Variants in CPED1 observed in about 807,000 individuals in gnomAD.
The protein encoded by CPED1 is cadherin-like and PC-esterase domain-containing protein 1.
In CPED1, 114 loss-of-function variants were observed where a neutral mutation model predicts 128.2. That is an observed-to-expected ratio of 0.89 (90% CI 0.76 to 1.04). The LOEUF (loss-of-function observed/expected upper bound fraction) is 1.04. Among genes scored for constraint, CPED1 ranks in the 50% least tolerant of loss-of-function variants. The probability of loss-of-function intolerance (pLI) is 0.00; values close to 1 mark genes in which losing one functional copy is unlikely to be tolerated. For synonymous variants in CPED1, 462 were observed against 426.7 expected (o/e 1.08, Z -1.02); for missense variants, 1,211 against 1,207.1 (o/e 1.00, Z -0.05).
At chr7:121,174,126 T>C (rs1040233599) in intron 16 of CPED1, among the ~76,000 whole-genome samples, 5 of 152,178 alleles carry the variant, frequency 3.3e-5, no homozygotes, top group Non-Finnish European at 7.3e-5. Flanking sequence ...TATTAGACCT[T>C]TGTCAGATGC....
In CPED1 at chr7:121,297,184, A is replaced by C. The variant is rs558276567; in HGVS notation, c.*1532A>C. ...ATAAAACTTTTCTAATATACACTTA[A>C]ATGCAAACATCATTTTTAAATTTTC... On this transcript the variant is annotated 3_prime_UTR_variant, in exon 23 of 23. Coordinates refer to ENST00000310396, the MANE Select transcript of CPED1 (RefSeq NM_024913.5). The C allele has an allele frequency of 6.6e-6, 1 of 152,096 alleles. No individual in the cohort carries two copies. Among genetic ancestry groups the C allele is most frequent in the Middle Eastern group, 3.2e-3 (1 of 316 alleles). 9.4% of individuals were successfully genotyped at this position (152,096 alleles called of 1,614,324 possible).
At chr7:121,073,129 A>C (rs1200972065) in intron 5 of CPED1, among the ~76,000 whole-genome samples, 1 of 152,206 alleles carries the variant, frequency 6.6e-6, no homozygotes, top group Non-Finnish European at 1.5e-5. Context: ...CCATACTGAT[A>C]AAATAAACAG....
At chr7:121,247,947 C>A (rs182747786) in intron 18 of CPED1, among the ~76,000 whole-genome samples, 73 of 152,340 alleles carry the variant, frequency 4.8e-4, no homozygotes, top group African/African-American at 1.5e-3. Context: ...GCCCACCCTG[C>A]CTGGCTTCTC....
At chr7:121,033,074 C>T (rs151173270) in intron 3 of CPED1, among the ~76,000 whole-genome samples, 72 of 152,278 alleles carry the variant, frequency 4.7e-4, no homozygotes, top group African/African-American at 1.7e-3. Context: ...CAAGATGTCA[C>T]CTATTCTAGC....
chr7:121,071,492 T>C (rs934215310), intron 5 of CPED1, among the ~76,000 whole-genome samples: 1 of 152,098 alleles, frequency 6.6e-6, no homozygotes. Flanking sequence ...TTTCAACATA[T>C]CTTTGCTACT....
intron 2 of CPED1, among the ~76,000 whole-genome samples, chr7:120,990,758 C>T (rs1796296633): frequency 6.6e-6 from 1 of 152,220 alleles, no homozygotes; most frequent in Non-Finnish European, 1.5e-5. Flanking sequence ...CTTATATCTA[C>T]AGTAGATTCT....
At chr7:121,222,988 C>G (rs1797917199) in intron 16 of CPED1, among the ~76,000 whole-genome samples, 1 of 152,178 alleles carries the variant, frequency 6.6e-6, no homozygotes. Context: ...ACTTCCAACA[C>G]TATGTTGAAT....
rs185546116 is a variant in CPED1 at position 121,139,319 on chromosome 7, T to A, written c.1700-1508T>A. Among the ~76,000 whole-genome samples, 199 of 152,174 alleles carry A rather than the reference T, an allele frequency of 1.3e-3. 1 individual carries two copies. The highest frequency in any genetic ancestry group is 5.7e-4 in the Non-Finnish European group (39 of 67,966). ...AGTATATCTATTGTATTATTATTGT[T>A]CATAATTTATACCTGAATTTGTTTT... On this transcript the variant is annotated intron_variant, in intron 14 of 22. Coordinates refer to ENST00000310396, the MANE Select transcript of CPED1 (RefSeq NM_024913.5).
intron 7 of CPED1, among the ~76,000 whole-genome samples, chr7:121,109,167 C>T (rs1448886496): frequency 6.6e-6 from 1 of 152,038 alleles, no homozygotes; most frequent in East Asian, 1.9e-4. Flanking sequence ...TCTCTGAGTG[C>T]TACTGAGGCA....
Position 121,007,198 on chromosome 7 carries a change from G to C in CPED1, c.250-8467G>C, listed in dbSNP as rs189448296. Reference sequence around the variant, plus strand: ...ACCCAGCATGATTCTACATTTGCTGGAGTTTGAAGCGTTGCGAAACTGTTC... The same window carrying C: ...ACCCAGCATGATTCTACATTTGCTGCAGTTTGAAGCGTTGCGAAACTGTTC... On this transcript the variant is annotated intron_variant, in intron 2 of 22. Coordinates refer to ENST00000310396, the MANE Select transcript of CPED1 (RefSeq NM_024913.5). Among the ~76,000 whole-genome samples the C allele has an allele frequency of 5.9e-4, 89 of 150,640 alleles. 1 individual carries two copies. In the East Asian group the frequency reaches 0.016, roughly 27 times the overall value.
intron 16 of CPED1, among the ~76,000 whole-genome samples, chr7:121,226,927 G>T (rs911248500): frequency 6.6e-6 from 1 of 152,014 alleles, no homozygotes; most frequent in African/African-American, 2.4e-5. Flanking sequence ...TAAATTTAAA[G>T]ACCATGTAAA....
chr7:121,174,278 C>T (rs1584569218), intron 16 of CPED1, among the ~76,000 whole-genome samples: 1 of 151,858 alleles, frequency 6.6e-6, no homozygotes, highest in African/African-American at 2.4e-5. Flanking sequence ...TTGGCATCTT[C>T]GTCATAAAAT....
chr7:121,187,690 T>C (rs1433385345), intron 16 of CPED1, among the ~76,000 whole-genome samples: 4 of 152,132 alleles, frequency 2.6e-5, no homozygotes, highest in Non-Finnish European at 4.4e-5. Flanking sequence ...CAGAGTAAAT[T>C]ACTTGCAGGT....
In CPED1 at chr7:121,097,746, C is replaced by A; in HGVS notation, c.664C>A (p.Gln222Lys). The A allele has an allele frequency of 6.2e-7, 1 of 1,613,810 alleles. No individual in the cohort carries two copies. The highest frequency in any genetic ancestry group is 1.1e-5 in the South Asian group (1 of 91,074). The stretch of plus-strand genomic sequence containing the variant: ...CTCTGTGTGTCTGGATCAGGGAATG[C>A]AATTAAAGCCGAGTACTTCGAGTCA... The part of the protein sequence containing the change: ...SPSVCLDQGM[Q>K]LKPSTSSHLL... Residue 222 changes from glutamine to lysine, a missense_variant, in exon 6 of 23, where the codon CAA becomes AAA. Physicochemically the swap from Gln to Lys is moderately conservative, Grantham distance 53 (BLOSUM62 1). Coordinates refer to ENST00000310396, the MANE Select transcript of CPED1 (RefSeq NM_024913.5).
chr7:121,107,578 T>C (rs1795008387), intron 7 of CPED1, among the ~76,000 whole-genome samples: 1 of 152,116 alleles, frequency 6.6e-6, no homozygotes, highest in Admixed American at 6.6e-5. Context: ...ATAACTCCTT[T>C]ACAAAGTGGT....
intron 16 of CPED1, among the ~76,000 whole-genome samples, chr7:121,150,729 C>T (rs1796137445): frequency 6.7e-6 from 1 of 149,056 alleles, no homozygotes; most frequent in Non-Finnish European, 1.5e-5. Flanking sequence ...AGTCCTTTTC[C>T]CACAGCCAAA....
chr7:121,049,559 G>T (rs111592955), intron 4 of CPED1, among the ~76,000 whole-genome samples: 1,728 of 152,342 alleles, frequency 0.011, 26 homozygotes, highest in Middle Eastern at 0.034. Flanking sequence ...AGAGCAGGTG[G>T]CAGAGACCTG....
At chr7:121,278,800 A>C (rs1792379258) in intron 22 of CPED1, among the ~76,000 whole-genome samples, 1 of 152,150 alleles carries the variant, frequency 6.6e-6, no homozygotes, top group African/African-American at 2.4e-5. Flanking sequence ...TCTCTCTCTT[A>C]AGAAGGATAA....
intron 16 of CPED1, among the ~76,000 whole-genome samples, chr7:121,234,682 C>A (rs4596587): frequency 7.4e-4 from 35 of 47,302 alleles, no homozygotes; most frequent in South Asian, 1.7e-3. Flanking sequence ...AACACATTCT[C>A]CAGTCCAGGA....
Sources: gnomAD v4.1 joint callset for allele counts (sites outside exome capture counted in the v4.1 genomes callset) on GRCh38, gnomAD v4.1.1 for gene constraint, MANE v1.5 for transcripts, NCBI Gene and HGNC (gene_info 2026-07-23, HGNC 2026-07-21) for gene names.